The following GPC6 variants were observed in gnomAD, a reference collection of about 807,000 sequenced individuals.
GPC6 encodes the protein glypican 6.
A neutral mutation model predicts 55.2 loss-of-function variants in GPC6; 14 were observed. The ratio of observed to expected loss-of-function variants is 0.25; its 90% CI spans 0.17 to 0.40. The LOEUF (loss-of-function observed/expected upper bound fraction) is 0.40, where lower values mean the gene tolerates loss of function less well. Ranked by LOEUF, GPC6 falls within the 10% of genes least tolerant of loss-of-function variation. The pLI is 1.00. For missense variants in GPC6, 641 were observed against 708.5 expected (o/e 0.90, Z 1.08); for synonymous variants, 278 against 259.6 (o/e 1.07, Z -0.68).
intron 4 of GPC6, among the ~76,000 whole-genome samples, chr13:94,046,019 A>G (rs1480816516): frequency 6.6e-6 from 1 of 151,984 alleles, no homozygotes. Context: ...GCCAAGAAAC[A>G]ATGCTAGATT....
intron 1 of GPC6, among the ~76,000 whole-genome samples, chr13:93,377,509 G>A (rs1874959666): frequency 6.6e-6 from 1 of 152,158 alleles, no homozygotes; most frequent in Admixed American, 6.6e-5. Flanking sequence ...AAGGTTCAGG[G>A]TGGAAAGGAC....
intron 4 of GPC6, among the ~76,000 whole-genome samples, chr13:94,161,549 C>G (rs1335591175): frequency 2.0e-5 from 3 of 152,118 alleles, no homozygotes; most frequent in Non-Finnish European, 4.4e-5. Context: ...TCCTGAGCAC[C>G]TGTATACCAG....
At chr13:93,998,739 T>C (rs1164437472) in intron 3 of GPC6, among the ~76,000 whole-genome samples, 1 of 152,124 alleles carries the variant, frequency 6.6e-6, no homozygotes, top group Non-Finnish European at 1.5e-5. Flanking sequence ...ATACATTATA[T>C]ACAGCATGAT....
intron 1 of GPC6, among the ~76,000 whole-genome samples, chr13:93,493,402 T>C (rs1194630832): frequency 1.1e-5 from 1 of 87,844 alleles, no homozygotes; most frequent in Non-Finnish European, 2.4e-5. Flanking sequence ...GTCTATTTGA[T>C]TCTTCTCTCT....
At chr13:93,553,430 C>T (rs112366387) in intron 2 of GPC6, among the ~76,000 whole-genome samples, 4,294 of 151,800 alleles carry the variant, frequency 0.028, 209 homozygotes, top group African/African-American at 0.099. Context: ...CAGTGGCTTA[C>T]GCCTGTAATC....
intron 3 of GPC6, among the ~76,000 whole-genome samples, chr13:93,902,530 G>A (rs1281006954): frequency 6.6e-6 from 1 of 152,088 alleles, no homozygotes; most frequent in Non-Finnish European, 1.5e-5. Context: ...GGAGGTACAG[G>A]TATCTCTCAC....
At chr13:93,256,089 G>A (rs1222461589) in intron 1 of GPC6, among the ~76,000 whole-genome samples, 2 of 150,174 alleles carry the variant, frequency 1.3e-5, no homozygotes, top group African/African-American at 4.9e-5. Flanking sequence ...TTTTAAGCTT[G>A]AGCCCAGGAG....
rs112144807 is a variant in GPC6 at position 93,619,430 on chromosome 13, A to G, written c.319+74009A>G. 1.2e-4 allele frequency among the ~76,000 whole-genome samples: 18 copies of G among 152,238 alleles called. 1 individual carries two copies. The highest frequency in any genetic ancestry group is 3.6e-4 in the African/African-American group (15 of 41,560). On this transcript the variant is annotated intron_variant, in intron 2 of 8. Coordinates refer to ENST00000377047, the MANE Select transcript of GPC6 (RefSeq NM_005708.5). ...TAATTTCAGAACTAAGGAAGTGTCT[A>G]TGTTCTTTACACTTTTTTGTTGTTG...
intron 3 of GPC6, among the ~76,000 whole-genome samples, chr13:93,934,520 G>A (rs1017644819): frequency 2.0e-5 from 3 of 151,996 alleles, no homozygotes; most frequent in Admixed American, 6.6e-5. Context: ...TACATTTTCA[G>A]TGTTGCAACC....
chr13:93,457,395 A>G (rs902250400), intron 1 of GPC6, among the ~76,000 whole-genome samples: 1 of 152,210 alleles, frequency 6.6e-6, no homozygotes, highest in African/African-American at 2.4e-5. Context: ...GGATGTCAAC[A>G]TATGAATTTT....
At position 94,399,421 on chromosome 13, in the gene GPC6, A is replaced by G. The variant is rs140902404; in HGVS notation, c.1465+780A>G. On this transcript the variant is annotated intron_variant, in intron 8 of 8. Coordinates refer to ENST00000377047, the MANE Select transcript of GPC6 (RefSeq NM_005708.5). ...TGGGTTTTGTCTGAGTAGTTTCAAG[A>G]TGACTAACTACAAAAAAAGAGTTTT... Among the ~76,000 whole-genome samples the G allele has an allele frequency of 6.8e-4, 104 of 152,338 alleles. 1 individual carries two copies. Among genetic ancestry groups the G allele is most frequent in the African/African-American group, 2.4e-3 (100 of 41,578 alleles).
At chr13:94,398,663 C>T (rs747853163) in intron 8 of GPC6, 22 bp downstream of exon 8, 1 of 1,609,728 alleles carries the variant, frequency 6.2e-7, no homozygotes, top group South Asian at 1.1e-5. Context: ...CTTCCCAGCA[C>T]CAGAAATTTT....
At chr13:94,114,799 A>G (rs1886376002) in intron 4 of GPC6, among the ~76,000 whole-genome samples, 1 of 152,194 alleles carries the variant, frequency 6.6e-6, no homozygotes, top group African/African-American at 2.4e-5. Flanking sequence ...AGGTCTTGTT[A>G]GAAGCCAAGC....
chr13:94,363,312 C>A (rs1310706228), intron 6 of GPC6, among the ~76,000 whole-genome samples: 1 of 152,076 alleles, frequency 6.6e-6, no homozygotes, highest in Non-Finnish European at 1.5e-5. Context: ...ATGGCTGTCA[C>A]AAAGCTGGAT....
chr13:93,540,528 CTTTATT>C (rs1350470914), intron 1 of GPC6, among the ~76,000 whole-genome samples: 2 of 151,630 alleles, frequency 1.3e-5, no homozygotes, highest in Non-Finnish European at 2.9e-5. Flanking sequence ...TAAGATATAG[CTTTATT>C]TTTATTTTGT....
intron 4 of GPC6, among the ~76,000 whole-genome samples, chr13:94,042,046 A>C (rs1883556576): frequency 6.6e-6 from 1 of 151,934 alleles, no homozygotes; most frequent in East Asian, 1.9e-4. Context: ...TCATGTTGAC[A>C]GTTTCTCATG....
intron 4 of GPC6, among the ~76,000 whole-genome samples, chr13:94,043,844 G>A (rs951952523): frequency 1.3e-5 from 2 of 151,762 alleles, no homozygotes; most frequent in Non-Finnish European, 2.9e-5. Flanking sequence ...GTGGTATCCA[G>A]TCAAAATAGC....
At chr13:93,909,801 C>CT (rs1349203363) in intron 3 of GPC6, among the ~76,000 whole-genome samples, 1 of 152,016 alleles carries the variant, frequency 6.6e-6, no homozygotes, top group Non-Finnish European at 1.5e-5. Flanking sequence ...TATTCTGATG[C>CT]TTTCCAGTTT....
chr13:94,067,557 A>G (rs1884563935), intron 4 of GPC6, among the ~76,000 whole-genome samples: 2 of 151,100 alleles, frequency 1.3e-5, no homozygotes, highest in Non-Finnish European at 1.5e-5. Context: ...ACTGGAGTCC[A>G]TGAGAGATAG....
Sources: gnomAD v4.1 joint callset for allele counts (sites outside exome capture counted in the v4.1 genomes callset) on GRCh38, gnomAD v4.1.1 for gene constraint, MANE v1.5 for transcripts, NCBI Gene and HGNC (gene_info 2026-07-23, HGNC 2026-07-21) for gene names.